SPATA1: variants seen among roughly 807,000 people sequenced by gnomAD.
SPATA1 encodes spermatogenesis-associated protein 1.
A neutral mutation model predicts 59.6 loss-of-function variants in SPATA1; 57 were observed. The ratio of observed to expected loss-of-function variants is 0.96; its 90% CI spans 0.77 to 1.19. The LOEUF is 1.19. Ranked by LOEUF, SPATA1 falls within the 50% of genes most tolerant of loss-of-function variation. The pLI is 0.00. For missense variants in SPATA1, 448 were observed against 480.7 expected (o/e 0.93, Z 0.64); for synonymous variants, 147 against 163.9 (o/e 0.90, Z 0.79).
intron 6 of SPATA1, among the ~76,000 whole-genome samples, chr1:84,531,854 C>G (rs1267676853): frequency 6.6e-6 from 1 of 152,064 alleles, no homozygotes; most frequent in Non-Finnish European, 1.5e-5. Context: ...GCCACCATGC[C>G]CAGCAACAAC....
At chr1:84,545,253 TC>T (rs1371457430) in intron 9 of SPATA1, among the ~76,000 whole-genome samples, 1 of 148,578 alleles carries the variant, frequency 6.7e-6, no homozygotes, top group Non-Finnish European at 1.5e-5. Context: ...CATATATATA[TC>T]ATATATATAT....
At chr1:84,521,961 T>C (rs1341359813) in intron 3 of SPATA1, among the ~76,000 whole-genome samples, 1 of 152,214 alleles carries the variant, frequency 6.6e-6, no homozygotes, top group Non-Finnish European at 1.5e-5. Flanking sequence ...AGATGTGGAC[T>C]CTGACAATGT....
Position 84,545,769 on chromosome 1 carries a change from A to G in SPATA1, c.946+10A>G, listed in dbSNP as rs1238523519. On this transcript the variant is annotated intron_variant, in intron 10 of 12. Coordinates refer to ENST00000490879, the Ensembl canonical transcript of SPATA1. Reference sequence around the variant, plus strand: ...TTAAAACGATATCATGGTAAAGTTTATTACATACCTTTTATCACTATAAAG... The same window carrying G: ...TTAAAACGATATCATGGTAAAGTTTGTTACATACCTTTTATCACTATAAAG... The G allele has an allele frequency of 2.0e-6, 3 of 1,483,928 alleles. No homozygotes were observed. The highest frequency in any genetic ancestry group is 2.9e-5 in the South Asian group (2 of 67,906). The allele number at this position is 1,483,928 out of a possible 1,614,324, so 91.9% of individuals were successfully genotyped here.
At chr1:84,550,953 T>G (rs539220157) in intron 12 of SPATA1, 164 of 981,554 alleles carry the variant, frequency 1.7e-4, no homozygotes, top group Non-Finnish European at 1.8e-4. Context: ...TATTTAAATA[T>G]GAATAATGTG....
At chr1:84,526,129 G>C (rs1308953739) in intron 6 of SPATA1, 56 bp downstream of exon 6, 3 of 1,450,822 alleles carry the variant, frequency 2.1e-6, no homozygotes, top group African/African-American at 2.8e-5. Flanking sequence ...CATTTTAGCA[G>C]TCAAGTCTGT....
intron 2 of SPATA1, among the ~76,000 whole-genome samples, chr1:84,518,489 ATATG>A (rs1379361430): frequency 2.6e-5 from 4 of 151,978 alleles, no homozygotes; most frequent in African/African-American, 9.7e-5. Flanking sequence ...CTTTTTATTT[ATATG>A]TATGTTTAAA....
chr1:84,541,708 T>A (rs1030104362), intron 8 of SPATA1, among the ~76,000 whole-genome samples: 1 of 152,074 alleles, frequency 6.6e-6, no homozygotes, highest in African/African-American at 2.4e-5. Context: ...CTTCATGGCG[T>A]GTTTGTTTTG....
chr1:84,531,208 G>T (rs918002862), intron 6 of SPATA1, among the ~76,000 whole-genome samples: 6 of 151,966 alleles, frequency 3.9e-5, no homozygotes, highest in African/African-American at 1.5e-4. Context: ...TCCAGACCAG[G>T]CTGGAGAGCA....
At chr1:84,522,756 T>A (rs1384262866) in intron 4 of SPATA1, among the ~76,000 whole-genome samples, 1 of 152,174 alleles carries the variant, frequency 6.6e-6, no homozygotes, top group Non-Finnish European at 1.5e-5. Context: ...ATTTAAAATG[T>A]GATCATATAA....
intron 1 of SPATA1, among the ~76,000 whole-genome samples, chr1:84,508,077 C>T (rs537525409): frequency 6.6e-5 from 10 of 152,010 alleles, no homozygotes; most frequent in Non-Finnish European, 1.3e-4. Context: ...GTCAAGAGAT[C>T]GAGACCATCC....
intron 6 of SPATA1, among the ~76,000 whole-genome samples, chr1:84,528,684 G>A (rs780255524): frequency 5.3e-5 from 8 of 152,008 alleles, no homozygotes; most frequent in East Asian, 1.9e-4. Context: ...GTACATTTTT[G>A]TACACAAGTC....
exon 8 of SPATA1, chr1:84,533,740 G>A (rs1328720117): frequency 1.3e-6 from 2 of 1,565,462 alleles, no homozygotes; most frequent in African/African-American, 1.4e-5. Flanking sequence ...AGATGATACA[G>A]CTATCAGTAG....
intron 4 of SPATA1, among the ~76,000 whole-genome samples, chr1:84,564,470 A>G (rs1238275836): frequency 6.6e-6 from 1 of 152,164 alleles, no homozygotes; most frequent in Non-Finnish European, 1.5e-5. Flanking sequence ...TAATGTTATT[A>G]TGTACTATTA....
In SPATA1 at chr1:84,560,109, GAAAGAAAGAAAGAAAGAAAGA is replaced by G. The variant is rs1684562117; in HGVS notation, n.442+4133_442+4153del. The stretch of plus-strand genomic sequence containing the variant: ...AAAAAAAAAAAAAAAAAGAAAGAAA[GAAAGAAAGAAAGAAAGAAAGA>G]AAGGAAAGAAAGAAAGAAAGAGAAA... On this transcript the variant is annotated intron_variant and non_coding_transcript_variant, in intron 4 of 4. Coordinates refer to the SPATA1 transcript ENST00000460286. Among the ~76,000 whole-genome samples the G allele has an allele frequency of 1.3e-4, 16 of 125,852 alleles. No homozygotes were observed. The South Asian group carries it at 3.0e-3, about 23-fold the overall frequency. The allele number at this position is 125,852 out of a possible 152,430, so 82.6% of individuals were successfully genotyped here.
intron 11 of SPATA1, chr1:84,550,168 G>A (rs1684228998): frequency 1.7e-5 from 4 of 229,012 alleles, no homozygotes; most frequent in South Asian, 1.7e-4. Context: ...TAATAACTAA[G>A]ATATTATTCC....
At chr1:84,528,526 G>A (rs1683327255) in intron 6 of SPATA1, among the ~76,000 whole-genome samples, 1 of 152,124 alleles carries the variant, frequency 6.6e-6, no homozygotes, top group Non-Finnish European at 1.5e-5. Flanking sequence ...AACATTGTAA[G>A]AGTCAACCAT....
At chr1:84,551,155 T>A (rs1273281429) in intron 12 of SPATA1, 3 of 985,154 alleles carry the variant, frequency 3.0e-6, no homozygotes, top group East Asian at 2.3e-4. Flanking sequence ...AAAAGCTTTT[T>A]TGTTGAACAG....
At chr1:84,554,233 T>C (rs1570461797) in exon 13 of SPATA1, 1 of 149,294 alleles carries the variant, frequency 6.7e-6, no homozygotes, top group South Asian at 2.1e-4. Context: ...TAATTAGAAG[T>C]GTGACAGTGA....
intron 10 of SPATA1, among the ~76,000 whole-genome samples, chr1:84,547,278 T>C (rs539889577): frequency 6.6e-6 from 1 of 152,242 alleles, no homozygotes; most frequent in Non-Finnish European, 1.5e-5. Flanking sequence ...TTCCCCTCTT[T>C]GTGCCTCACC....
Sources: gnomAD v4.1 joint callset for allele counts (sites outside exome capture counted in the v4.1 genomes callset) on GRCh38, gnomAD v4.1.1 for gene constraint, MANE v1.5 for transcripts, NCBI Gene and HGNC (gene_info 2026-07-23, HGNC 2026-07-21) for gene names.